GREB1L: variants seen among roughly 807,000 people sequenced by gnomAD.
GREB1L encodes GREB1 like retinoic acid receptor coactivator.
Under a neutral mutation model 200.8 loss-of-function variants are expected in GREB1L, and 17 were observed. That is an observed-to-expected ratio of 0.08 (90% CI 0.06 to 0.13). The LOEUF is 0.13. Among genes scored for constraint, GREB1L ranks in the 10% least tolerant of loss-of-function variants. The probability of loss-of-function intolerance (pLI) is 1.00; values close to 1 mark genes in which losing one functional copy is unlikely to be tolerated. For synonymous variants in GREB1L, 789 were observed against 893.0 expected, an observed-to-expected ratio of 0.88 and a Z score of 2.08; for missense variants, 1,657 against 2,367.7, an observed-to-expected ratio of 0.70 and a Z score of 6.23.
At chr18:21,301,736 C>T (rs762951216) in intron 1 of GREB1L, among the ~76,000 whole-genome samples, 65 of 152,238 alleles carry the variant, frequency 4.3e-4, no homozygotes, top group African/African-American at 1.3e-3. Flanking sequence ...ATAAAACAAA[C>T]GAACTTTTTT....
intron 1 of GREB1L, among the ~76,000 whole-genome samples, chr18:21,341,185 C>A (rs1172614168): frequency 6.6e-6 from 1 of 152,090 alleles, no homozygotes; most frequent in Non-Finnish European, 1.5e-5. Context: ...TGGAAGGAGA[C>A]CCTGTGTGTT....
chr18:21,304,930 G>A (rs1372919943), intron 1 of GREB1L, among the ~76,000 whole-genome samples: 2 of 151,768 alleles, frequency 1.3e-5, no homozygotes, highest in African/African-American at 4.8e-5. Flanking sequence ...TATCAGAGAG[G>A]CCTTTCCTGA....
At chr18:21,273,898 A>C (rs139429012) in intron 1 of GREB1L, among the ~76,000 whole-genome samples, 37 of 152,326 alleles carry the variant, frequency 2.4e-4, no homozygotes, top group African/African-American at 8.9e-4. Context: ...GCATTTGTGC[A>C]TGTGATTAAA....
chr18:21,480,299 C>T (rs761183477), intron 17 of GREB1L, among the ~76,000 whole-genome samples: 4 of 152,014 alleles, frequency 2.6e-5, no homozygotes, highest in Middle Eastern at 3.4e-3. Context: ...TGCAGTGAGC[C>T]GAGATTATGC....
At chr18:21,350,114 T>C (rs1341268686) in intron 1 of GREB1L, among the ~76,000 whole-genome samples, 1 of 152,172 alleles carries the variant, frequency 6.6e-6, no homozygotes, top group Non-Finnish European at 1.5e-5. Flanking sequence ...TAGATTGGAC[T>C]CTCTTTGAGA....
rs986931680 is a variant in GREB1L at position 21,508,588 on chromosome 18, G to A, written c.4732G>A (p.Val1578Met). Residue 1578 changes from valine (V) to methionine (M), a missense_variant, in exon 27 of 33, where the codon GTG (valine) becomes ATG (methionine). This residue lies in a region of GREB1L where 151 missense variants were observed against 309.6 expected (regional missense o/e 0.49). Coordinates refer to ENST00000424526, the MANE Select transcript of GREB1L (RefSeq NM_001142966.3). Reference sequence around the variant, plus strand: ...TCCCGGCATGTTCAATAATGCAGGCGTGGGTAAGGGGCCCCCCTGGGATGG... The same window carrying A: ...TCCCGGCATGTTCAATAATGCAGGCATGGGTAAGGGGCCCCCCTGGGATGG... ...VLPGMFNNAG[V>M]GAARFLIKEL... The A allele has an allele frequency of 2.1e-5, 32 of 1,551,318 alleles. No homozygotes were observed. Among genetic ancestry groups the A allele is most frequent in the East Asian group, 4.9e-5 (2 of 40,898 alleles).
At chr18:21,470,273 C>T (rs1370197948) in intron 15 of GREB1L, among the ~76,000 whole-genome samples, 1 of 152,092 alleles carries the variant, frequency 6.6e-6, no homozygotes, top group African/African-American at 2.4e-5. Flanking sequence ...GGTGACAGAA[C>T]AGGACTCTTG....
At chr18:21,244,194 GCA>G (rs1361621186) in intron 1 of GREB1L, among the ~76,000 whole-genome samples, 1 of 151,806 alleles carries the variant, frequency 6.6e-6, no homozygotes, top group Non-Finnish European at 1.5e-5. Context: ...ATCTCCTCCT[GCA>G]CACACACCAG....
At chr18:21,431,320 C>T (rs2033137352) in intron 7 of GREB1L, among the ~76,000 whole-genome samples, 1 of 152,168 alleles carries the variant, frequency 6.6e-6, no homozygotes, top group Non-Finnish European at 1.5e-5. Flanking sequence ...CCACCGCATC[C>T]AACCTAATTT....
chr18:21,521,933 G>A (rs1004157043), intron 32 of GREB1L, among the ~76,000 whole-genome samples: 5 of 139,764 alleles, frequency 3.6e-5, no homozygotes, highest in Non-Finnish European at 7.5e-5. Flanking sequence ...GAACCCAGGA[G>A]GCGGAGGTTG....
At chr18:21,355,581 A>G (rs2039491659) in intron 1 of GREB1L, among the ~76,000 whole-genome samples, 1 of 152,214 alleles carries the variant, frequency 6.6e-6, no homozygotes, top group Non-Finnish European at 1.5e-5. Context: ...GATAGCTACC[A>G]CAGACTAAAC....
chr18:21,316,447 C>G (rs1388014273), intron 1 of GREB1L, among the ~76,000 whole-genome samples: 2 of 152,150 alleles, frequency 1.3e-5, no homozygotes, highest in Non-Finnish European at 2.9e-5. Context: ...TCTCCCAGAT[C>G]TTTTTGTCTC....
intron 4 of GREB1L, among the ~76,000 whole-genome samples, chr18:21,394,645 T>A (rs1315383631): frequency 4.6e-5 from 7 of 151,916 alleles, no homozygotes; most frequent in Non-Finnish European, 1.0e-4. Context: ...CATCTAGGAG[T>A]CACCAAATTC....
At chr18:21,397,381 C>T (rs557172484) in intron 5 of GREB1L, among the ~76,000 whole-genome samples, 11 of 151,760 alleles carry the variant, frequency 7.2e-5, no homozygotes, top group African/African-American at 1.2e-4. Context: ...AAAAATTAGC[C>T]GGGCGTGGTG....
At chr18:21,434,651 G>A (rs2033424719) in intron 7 of GREB1L, among the ~76,000 whole-genome samples, 1 of 151,412 alleles carries the variant, frequency 6.6e-6, no homozygotes. Context: ...TTAAATGGCT[G>A]CTGCTATTTA....
At chr18:21,297,188 C>A (rs1418372711) in intron 1 of GREB1L, among the ~76,000 whole-genome samples, 4 of 152,100 alleles carry the variant, frequency 2.6e-5, no homozygotes, top group Non-Finnish European at 5.9e-5. Context: ...CCCCTATACA[C>A]ATTAAAGTTT....
At chr18:21,340,428 A>G (rs1268971137) in intron 1 of GREB1L, among the ~76,000 whole-genome samples, 1 of 151,944 alleles carries the variant, frequency 6.6e-6, no homozygotes, top group East Asian at 1.9e-4. Context: ...TCAAAAAACA[A>G]ACAAACAAAA....
At chr18:21,363,099 T>C (rs1439885936) in intron 1 of GREB1L, among the ~76,000 whole-genome samples, 3 of 152,220 alleles carry the variant, frequency 2.0e-5, no homozygotes, top group Admixed American at 6.5e-5. Flanking sequence ...AAAGCATGCA[T>C]GTGCCTTTCA....
chr18:21,365,652 A>G (rs951965478), intron 1 of GREB1L, among the ~76,000 whole-genome samples: 1 of 152,144 alleles, frequency 6.6e-6, no homozygotes, highest in African/African-American at 2.4e-5. Flanking sequence ...TTCCTTAGAT[A>G]AGAAAATTAC....
Sources: allele counts gnomAD v4.1 joint callset (sites outside exome capture counted in the v4.1 genomes callset), GRCh38; gene constraint gnomAD v4.1.1; regional missense constraint gnomAD v4.1.1; transcripts MANE v1.5; gene names NCBI Gene and HGNC (gene_info 2026-07-23, HGNC 2026-07-21).